The following CSMD3 variants were observed in gnomAD, a reference collection of about 807,000 sequenced individuals.
CSMD3 encodes CUB and Sushi multiple domains 3, also known as CUB and sushi domain-containing protein 3.
In CSMD3, 177 loss-of-function variants were observed where a neutral mutation model predicts 435.2. The observed-to-expected ratio is 0.41, with a 90% CI of 0.36 to 0.46. The LOEUF is 0.46. CSMD3 is among the 20% of genes least tolerant of loss of function. CSMD3 has a pLI of 0.34. For synonymous variants in CSMD3, 1,656 were observed against 1,520.5 expected (o/e 1.09, Z -2.07); for missense variants, 4,265 against 4,504.6 (o/e 0.95, Z 1.52).
intron 24 of CSMD3, among the ~76,000 whole-genome samples, chr8:112,564,466 T>C (rs368223831): frequency 2.8e-4 from 43 of 151,698 alleles, no homozygotes; most frequent in African/African-American, 1.0e-3. Context: ...AAGCCTCTTA[T>C]GTACTGTGTG....
intron 45 of CSMD3, among the ~76,000 whole-genome samples, chr8:112,334,154 A>G (rs1002901386): frequency 8.6e-5 from 13 of 152,046 alleles, no homozygotes; most frequent in African/African-American, 3.1e-4. Flanking sequence ...CATAGACTGA[A>G]CCCCTGACTT....
chr8:112,468,232 G>GTGTTTTTTTT (rs1818152244), intron 32 of CSMD3, among the ~76,000 whole-genome samples: 3 of 114,882 alleles, frequency 2.6e-5, no homozygotes, highest in Non-Finnish European at 3.6e-5. Flanking sequence ...ATTGCCTAAA[G>GTGTTTTTTTT]TATTTTTTTT....
intron 3 of CSMD3, among the ~76,000 whole-genome samples, chr8:113,255,963 A>T (rs1408001103): frequency 6.6e-6 from 1 of 152,094 alleles, no homozygotes; most frequent in Non-Finnish European, 1.5e-5. Flanking sequence ...GTCATTATTT[A>T]AGCCTCCAAT....
intron 16 of CSMD3, among the ~76,000 whole-genome samples, chr8:112,672,973 T>C (rs2075692003): frequency 6.6e-6 from 1 of 152,032 alleles, no homozygotes; most frequent in Non-Finnish European, 1.5e-5. Flanking sequence ...ATCTGAGAAG[T>C]GGTACTTAGG....
intron 13 of CSMD3, among the ~76,000 whole-genome samples, chr8:112,779,453 T>C (rs2132235607): frequency 6.6e-6 from 1 of 152,098 alleles, no homozygotes; most frequent in Middle Eastern, 3.4e-3. Context: ...TGAACTTTTT[T>C]CCCTTGTCAG....
intron 6 of CSMD3, among the ~76,000 whole-genome samples, chr8:112,993,280 A>G (rs76400682): frequency 2.4e-4 from 36 of 151,954 alleles, no homozygotes; most frequent in Non-Finnish European, 4.0e-4. Flanking sequence ...AATTGGCACA[A>G]ATATGACTGT....
At chr8:112,924,129 A>T (rs927740182) in intron 9 of CSMD3, among the ~76,000 whole-genome samples, 1 of 152,138 alleles carries the variant, frequency 6.6e-6, no homozygotes, top group African/African-American at 2.4e-5. Context: ...CCTCATTCTG[A>T]GAGAATTGGG....
intron 38 of CSMD3, among the ~76,000 whole-genome samples, chr8:112,373,209 CT>C (rs1828610231): frequency 6.6e-6 from 1 of 151,554 alleles, no homozygotes; most frequent in South Asian, 2.1e-4. Context: ...AAACACTATC[CT>C]TTTTTATAGA....
At chr8:113,221,354 T>TACAC (rs147263614) in intron 3 of CSMD3, among the ~76,000 whole-genome samples, 3,321 of 141,866 alleles carry the variant, frequency 0.023, 113 homozygotes, top group African/African-American at 0.07. Context: ...CAGACACAGT[T>TACAC]ACACACACAC....
chr8:112,385,053 A>C (rs558235691), intron 36 of CSMD3, among the ~76,000 whole-genome samples: 16 of 152,318 alleles, frequency 1.1e-4, no homozygotes, highest in Admixed American at 2.0e-4. Context: ...ACCATGAGTA[A>C]TCTTCTTTAG....
chr8:112,689,975 C>T lies in CSMD3; in HGVS notation c.2048G>A (p.Arg683His), dbSNP rs139010997. 4.4e-4 allele frequency: 712 copies of T among 1,612,924 alleles called. No individual in the cohort carries two copies. Among genetic ancestry groups the T allele is most frequent in the Admixed American group, 3.0e-4 (18 of 59,980 alleles). ...GIREGDGFSNRDVLRFECQFG... is the reference protein window; with the variant it reads ...GIREGDGFSNHDVLRFECQFG... ...CTGGCATTCAAACCTTAAAACATCA[C>T]GATTAGAAAATCCATCGCCTTCTCT... The change falls in exon 14 of 71, where the codon CGT becomes CAT. Residue 683 changes from arginine (R) to histidine (H), a missense_variant. Arg to His is a conservative substitution (Grantham distance 29). Transcript: ENST00000297405.
At position 112,492,486 on chromosome 8, in the gene CSMD3, T is replaced by C; in HGVS notation, c.5278+3A>G. On this transcript the variant is annotated splice_donor_region_variant and intron_variant, in intron 31 of 70. Transcript: ENST00000297405. ...AAATTCAGCCAAAAAATATGTTCCT[T>C]ACCATGACAACTTGGCAAGGCTCTA... 6.2e-7 allele frequency: 1 copy of C among 1,612,678 alleles called. No individual in the cohort carries two copies. The highest frequency in any genetic ancestry group is 8.5e-7 in the Non-Finnish European group (1 of 1,178,724).
intron 17 of CSMD3, among the ~76,000 whole-genome samples, chr8:112,662,704 A>G (rs2075416477): frequency 6.6e-6 from 1 of 152,238 alleles, no homozygotes; most frequent in South Asian, 2.1e-4. Flanking sequence ...GCTTCTGCAC[A>G]GCAAAAGAAA....
chr8:113,240,601 T>C (rs144213712), intron 3 of CSMD3, among the ~76,000 whole-genome samples: 343 of 152,216 alleles, frequency 2.3e-3, no homozygotes, highest in African/African-American at 7.9e-3. Flanking sequence ...AGAAAACCCA[T>C]ATGTTTATCT....
intron 32 of CSMD3, among the ~76,000 whole-genome samples, chr8:112,414,192 T>G (rs1371540683): frequency 6.6e-6 from 1 of 152,226 alleles, no homozygotes; most frequent in Non-Finnish European, 1.5e-5. Flanking sequence ...TTGATACTTC[T>G]GAATAGTCTA....
intron 2 of CSMD3, among the ~76,000 whole-genome samples, chr8:113,295,336 A>T (rs2132550780): frequency 6.6e-6 from 1 of 152,304 alleles, no homozygotes; most frequent in South Asian, 2.1e-4. Context: ...TGACTCCAAA[A>T]TTCATGTTCT....
intron 13 of CSMD3, among the ~76,000 whole-genome samples, chr8:112,740,963 T>G (rs1049839683): frequency 3.3e-5 from 5 of 151,906 alleles, no homozygotes; most frequent in Non-Finnish European, 7.4e-5. Flanking sequence ...GGAGAAATGT[T>G]TTTCTCCTTA....
chr8:112,859,518 T>C (rs570195197), intron 10 of CSMD3, among the ~76,000 whole-genome samples: 3 of 151,954 alleles, frequency 2.0e-5, no homozygotes, highest in East Asian at 1.9e-4. Context: ...GATAAATGCT[T>C]CTCTGACTTT....
In CSMD3 at chr8:112,380,390, A is replaced by T. The variant is rs1249834018; in HGVS notation, c.6098T>A (p.Ile2033Asn). ...ATGAAATCCTGCAGCAGAAACACTGATGTCTGATTGAAAATTTAGATACAG... is the reference window on the plus strand; with the variant it reads ...ATGAAATCCTGCAGCAGAAACACTGTTGTCTGATTGAAAATTTAGATACAG... ...NNLYLNFQSDISVSAAGFHLE... is the reference protein window; with the variant it reads ...NNLYLNFQSDNSVSAAGFHLE... Residue 2033 changes from isoleucine to asparagine, a missense_variant, in exon 38 of 71, where the codon ATC (isoleucine) becomes AAC (asparagine). By Grantham distance (149) the Ile-to-Asn change is moderately radical. Around this residue, in one of 3 missense-constraint regions of CSMD3, gnomAD observed 3,255 missense variants for 3,380.2 expected, o/e 0.96. Transcript: ENST00000297405. The T allele has an allele frequency of 2.5e-6, 4 of 1,601,184 alleles. No individual in the cohort carries two copies. Among genetic ancestry groups the T allele is most frequent in the African/African-American group, 1.3e-5 (1 of 74,778 alleles).
Sources: gnomAD v4.1 joint callset for allele counts (sites outside exome capture counted in the v4.1 genomes callset) on GRCh38, gnomAD v4.1.1 for gene constraint, gnomAD v4.1.1 regional missense constraint, MANE v1.5 for transcripts, NCBI Gene and HGNC (gene_info 2026-07-23, HGNC 2026-07-21) for gene names.